STOX2: variants seen among roughly 807,000 people sequenced by gnomAD.
STOX2 encodes the protein storkhead-box protein 2.
Under a neutral mutation model 60.9 loss-of-function variants are expected in STOX2, and 28 were observed. The ratio of observed to expected loss-of-function variants is 0.46; its 90% confidence interval spans 0.34 to 0.63. The LOEUF is 0.63. Among genes scored for constraint, STOX2 ranks in the 30% least tolerant of loss-of-function variants. The probability of loss-of-function intolerance (pLI) is 0.01; values close to 1 mark genes in which losing one functional copy is unlikely to be tolerated. For missense variants in STOX2, 1,024 were observed against 1,187.7 expected (o/e 0.86, Z 2.03); for synonymous variants, 472 against 463.9 (o/e 1.02, Z -0.22).
At chr4:183,879,575 T>C (rs1740908598) in intron 1 of STOX2, among the ~76,000 whole-genome samples, 1 of 152,230 alleles carries the variant, frequency 6.6e-6, no homozygotes, top group Admixed American at 6.5e-5. Flanking sequence ...CATGATCTCT[T>C]CTGTCCCTGG....
intron 1 of STOX2, among the ~76,000 whole-genome samples, chr4:183,880,547 A>AT (rs1740936489): frequency 6.6e-6 from 1 of 152,206 alleles, no homozygotes; most frequent in Non-Finnish European, 1.5e-5. Flanking sequence ...GATAAAGATA[A>AT]TTTTTTCATC....
Position 183,881,325 on chromosome 4 carries a change from A to AC in STOX2, c.364+83274dup, listed in dbSNP as rs5864859. 2.9e-3 allele frequency among the ~76,000 whole-genome samples: 435 copies of AC among 152,112 alleles called. 2 individuals carry two copies. The highest frequency in any genetic ancestry group is 9.2e-3 in the African/African-American group (383 of 41,460). On this transcript the variant is annotated intron_variant, in intron 1 of 2. Transcript: ENST00000513034. Reference sequence around the variant, plus strand: ...AGACCATCCTGGCCAACATGGTGAAACCCCGTCACTACTAAAAATACAAAA... The same window carrying AC: ...AGACCATCCTGGCCAACATGGTGAAACCCCCGTCACTACTAAAAATACAAAA...
chr4:183,833,981 CAAAA>C (rs70959149), intron 1 of STOX2, among the ~76,000 whole-genome samples: 2 of 79,842 alleles, frequency 2.5e-5, no homozygotes, highest in Non-Finnish European at 4.8e-5. Context: ...GACTCCGTCT[CAAAA>C]AAAAAAAAAA....
chr4:183,955,526 C>T (rs1743221052), intron 1 of STOX2, among the ~76,000 whole-genome samples: 1 of 152,156 alleles, frequency 6.6e-6, no homozygotes, highest in Non-Finnish European at 1.5e-5. Flanking sequence ...CCCTGTCCTC[C>T]TCCTCTGATC....
intron 1 of STOX2, among the ~76,000 whole-genome samples, chr4:183,971,401 A>T (rs748839353): frequency 4.6e-5 from 7 of 152,228 alleles, no homozygotes; most frequent in Non-Finnish European, 7.3e-5. Context: ...TCTGTGGGTC[A>T]TGTGGGTGTC....
chr4:183,922,368 A>T (rs1442826242), intron 1 of STOX2, among the ~76,000 whole-genome samples: 12 of 144,806 alleles, frequency 8.3e-5, no homozygotes, highest in Non-Finnish European at 1.7e-4. Context: ...TTTTTTTGAG[A>T]TGGAGTCTCG....
intron 3 of STOX2, among the ~76,000 whole-genome samples, chr4:184,013,500 C>T (rs981823755): frequency 6.6e-6 from 1 of 152,170 alleles, no homozygotes; most frequent in Non-Finnish European, 1.5e-5. Context: ...GTAGAATTTT[C>T]TCTACATGAA....
At chr4:183,980,512 C>T (rs1332334583) in intron 1 of STOX2, among the ~76,000 whole-genome samples, 1 of 152,144 alleles carries the variant, frequency 6.6e-6, no homozygotes, top group African/African-American at 2.4e-5. Context: ...CTGCAAACCT[C>T]CCTGAACTGG....
intron 2 of STOX2, among the ~76,000 whole-genome samples, chr4:184,006,987 G>A (rs1226454769): frequency 8.2e-6 from 1 of 121,864 alleles, no homozygotes; most frequent in Non-Finnish European, 1.6e-5. Flanking sequence ...CTGCACTCCA[G>A]CCTGGGCGAC....
rs555598649 is a variant in STOX2, at chr4:183,831,502, A to G, written c.364+33447A>G. Reference sequence around the variant, plus strand: ...TGATGGAAAGTTTAGAACTATGTACATTTTTTTTTTTTTTGGTGAATATCA... The same window carrying G: ...TGATGGAAAGTTTAGAACTATGTACGTTTTTTTTTTTTTTGGTGAATATCA... On this transcript the variant is annotated intron_variant, in intron 1 of 2. Coordinates refer to the STOX2 transcript ENST00000513034. 2.8e-5 allele frequency among the ~76,000 whole-genome samples: 4 copies of G among 144,572 alleles called. No homozygotes were observed. The South Asian group carries it at 8.9e-4, about 32-fold the overall frequency. The allele number at this position is 144,572 out of a possible 152,430, so 94.8% of individuals were successfully genotyped here.
At position 183,999,969 on chromosome 4, in the gene STOX2, A is replaced by G. The variant is rs73010238; in HGVS notation, c.167-1356A>G. On this transcript the variant is annotated intron_variant, in intron 1 of 3. Transcript: ENST00000308497. ...TATTACAAGCATGCTTCAGAAACAAAAAAGGCTAGATTATGGAAGTACATT... is the reference window on the plus strand; with the variant it reads ...TATTACAAGCATGCTTCAGAAACAAGAAAGGCTAGATTATGGAAGTACATT... 4.1e-3 allele frequency among the ~76,000 whole-genome samples: 630 copies of G among 152,344 alleles called. 4 individuals are homozygous for G. The highest frequency in any genetic ancestry group is 0.015 in the African/African-American group (606 of 41,576).
intron 1 of STOX2, among the ~76,000 whole-genome samples, chr4:183,845,247 T>G (rs75962540): frequency 1.4e-4 from 21 of 152,144 alleles, no homozygotes; most frequent in East Asian, 1.9e-4. Flanking sequence ...GCATAAGGAC[T>G]AGGGATAGGG....
intron 1 of STOX2, among the ~76,000 whole-genome samples, chr4:183,940,000 T>G (rs1172703620): frequency 6.6e-6 from 1 of 152,114 alleles, no homozygotes; most frequent in East Asian, 1.9e-4. Context: ...GCCTCCCGGG[T>G]TCAAGTGATT....
chr4:183,881,374 C>T (rs1477787761), intron 1 of STOX2, among the ~76,000 whole-genome samples: 1 of 152,046 alleles, frequency 6.6e-6, no homozygotes, highest in African/African-American at 2.4e-5. Context: ...TGTGGTGGTG[C>T]GCCTGTAGCC....
chr4:183,986,675 C>G (rs1484647695), intron 1 of STOX2, among the ~76,000 whole-genome samples: 3 of 152,222 alleles, frequency 2.0e-5, no homozygotes, highest in Non-Finnish European at 2.9e-5. Flanking sequence ...GGTGATGGCG[C>G]AGAAGCGGGT....
chr4:183,985,116 C>T (rs1450906223), intron 1 of STOX2, among the ~76,000 whole-genome samples: 1 of 152,082 alleles, frequency 6.6e-6, no homozygotes, highest in Non-Finnish European at 1.5e-5. Context: ...GTCATAGACC[C>T]CAGCAGAAGC....
At chr4:183,959,498 A>C (rs539637457) in intron 1 of STOX2, among the ~76,000 whole-genome samples, 1 of 152,180 alleles carries the variant, frequency 6.6e-6, no homozygotes, top group African/African-American at 2.4e-5. Context: ...GCAGTGGTGC[A>C]TTTTGGTGAT....
At chr4:183,840,339 C>T (rs1739825899) in intron 1 of STOX2, among the ~76,000 whole-genome samples, 1 of 152,048 alleles carries the variant, frequency 6.6e-6, no homozygotes, top group Admixed American at 6.6e-5. Context: ...TTTTCTTTGT[C>T]CATGTAACAG....
intron 1 of STOX2, among the ~76,000 whole-genome samples, chr4:183,910,680 C>T (rs1741751867): frequency 6.6e-6 from 1 of 152,098 alleles, no homozygotes; most frequent in Admixed American, 6.6e-5. Flanking sequence ...AGTCCTGGCC[C>T]ATTTGAGTTT....
Sources: gnomAD v4.1 joint callset for allele counts (sites outside exome capture counted in the v4.1 genomes callset) on GRCh38, gnomAD v4.1.1 for gene constraint, MANE v1.5 for transcripts, NCBI Gene and HGNC (gene_info 2026-07-23, HGNC 2026-07-21) for gene names.